Variants in URM1 observed in about 807,000 individuals in gnomAD.
URM1 encodes ubiquitin related modifier 1, also known as ubiquitin-related modifier 1.
A neutral mutation model predicts 17.7 loss-of-function variants in URM1; 11 were observed. The observed-to-expected ratio is 0.62, with a 90% CI of 0.39 to 1.03. URM1 has a LOEUF of 1.03. Among genes scored for constraint, URM1 ranks in the 50% least tolerant of loss-of-function variants. The probability of loss-of-function intolerance (pLI) is 0.00; values close to 1 mark genes in which losing one functional copy is unlikely to be tolerated. For missense variants in URM1, 128 were observed against 129.2 expected, an observed-to-expected ratio of 0.99 and a Z score of 0.04; for synonymous variants, 48 against 50.6, an observed-to-expected ratio of 0.95 and a Z score of 0.22.
At chr9:128,379,751 A>C (rs1049917452) in intron 2 of URM1, among the ~76,000 whole-genome samples, 8 of 150,722 alleles carry the variant, frequency 5.3e-5, no homozygotes, top group Non-Finnish European at 8.8e-5. Flanking sequence ...CAGTGAGCCG[A>C]ATCATGCCAC....
chr9:128,382,780 A>G (rs1188135382), intron 2 of URM1, among the ~76,000 whole-genome samples: 1 of 152,172 alleles, frequency 6.6e-6, no homozygotes, highest in Non-Finnish European at 1.5e-5. Flanking sequence ...GGTGAAGCAG[A>G]GTGTGCTGAC....
At chr9:128,376,187 C>G (rs1170416024) in intron 1 of URM1, among the ~76,000 whole-genome samples, 2 of 151,902 alleles carry the variant, frequency 1.3e-5, no homozygotes, top group African/African-American at 2.4e-5. Context: ...TAGGGAGACC[C>G]TGTCTCTACA....
Position 128,371,374 on chromosome 9 carries a change from C to T in URM1, c.-7C>T, listed in dbSNP as rs752656993. The T allele has an allele frequency of 1.2e-5, 20 of 1,613,096 alleles. No homozygotes were observed. Among genetic ancestry groups the T allele is most frequent in the African/African-American group, 2.7e-5 (2 of 74,846 alleles). On this transcript the variant is annotated 5_prime_UTR_variant, in exon 1 of 5. Transcript: ENST00000372853. ...GGGGAGTTTCCTGCGAGCTCGGCTT[C>T]CTCAACATGGCTGCGCCCTTGTCAG...
intron 4 of URM1, 88 bp from the exon 5 acceptor site, chr9:128,389,578 C>A: frequency 6.3e-7 from 1 of 1,587,496 alleles, no homozygotes. Context: ...CCAGAGCAGC[C>A]AGTCCTCAGC....
chr9:128,377,957 C>T, intron 1 of URM1, 79 bp from the exon 2 acceptor site: 3 of 1,498,816 alleles, frequency 2.0e-6, no homozygotes, highest in Non-Finnish European at 2.8e-6. Context: ...CAGCCCTATC[C>T]TCAGTTTTCT....
intron 3 of URM1, 111 bp downstream of exon 3, chr9:128,388,008 C>T (rs569569881): frequency 1.4e-5 from 21 of 1,496,614 alleles, no homozygotes; most frequent in Non-Finnish European, 1.7e-5. Context: ...TCCCCTTCCT[C>T]CTCCCTAACT....
chr9:128,378,825 T>C (rs1275263954), intron 2 of URM1, among the ~76,000 whole-genome samples: 1 of 150,686 alleles, frequency 6.6e-6, no homozygotes, highest in Non-Finnish European at 1.5e-5. Flanking sequence ...TGCGCGCTTG[T>C]AATCCCAGCT....
intron 2 of URM1, among the ~76,000 whole-genome samples, chr9:128,380,093 C>T (rs1305491180): frequency 6.6e-6 from 1 of 151,724 alleles, no homozygotes; most frequent in Non-Finnish European, 1.5e-5. Context: ...GCCTGGGTGC[C>T]AGAGTGAGAC....
intron 3 of URM1, chr9:128,388,739 T>C (rs1833262792): frequency 6.1e-6 from 6 of 987,210 alleles, no homozygotes; most frequent in Non-Finnish European, 7.2e-6. Flanking sequence ...AGCATTGCCA[T>C]GTGGCATGGC....
intron 1 of URM1, among the ~76,000 whole-genome samples, chr9:128,376,581 A>C (rs1297261417): frequency 6.6e-6 from 1 of 152,142 alleles, no homozygotes; most frequent in African/African-American, 2.4e-5. Context: ...GGATTGCCTA[A>C]ACCCAGGAGG....
chr9:128,374,060 T>A (rs886547169), intron 1 of URM1, among the ~76,000 whole-genome samples: 2 of 152,062 alleles, frequency 1.3e-5, no homozygotes, highest in Non-Finnish European at 2.9e-5. Flanking sequence ...GATGGAGATA[T>A]GTCAGTTGAG....
chr9:128,389,142 C>T (rs1272376068), intron 3 of URM1, 119 bp from the exon 4 acceptor site: 16 of 1,489,656 alleles, frequency 1.1e-5, no homozygotes, highest in Non-Finnish European at 1.3e-5. Context: ...TTTAGCCAGA[C>T]CCCAGGAGGA....
intron 2 of URM1, among the ~76,000 whole-genome samples, chr9:128,380,325 T>TG (rs899326754): frequency 4.9e-4 from 73 of 150,190 alleles, no homozygotes; most frequent in East Asian, 4.7e-3. Context: ...ACGTGGAGGC[T>TG]GGGGGGGGGA....
intron 1 of URM1, among the ~76,000 whole-genome samples, chr9:128,375,310 G>A (rs1182385700): frequency 1.3e-5 from 2 of 152,202 alleles, no homozygotes; most frequent in African/African-American, 4.8e-5. Flanking sequence ...ATGGGCAGGA[G>A]CATTCAAACC....
intron 2 of URM1, among the ~76,000 whole-genome samples, chr9:128,385,590 C>CACCA (rs1320224673): frequency 6.6e-6 from 1 of 152,178 alleles, no homozygotes; most frequent in African/African-American, 2.4e-5. Flanking sequence ...ATCCCCAAGC[C>CACCA]ACCAGCCCCT....
At chr9:128,372,585 C>T (rs766170838) in intron 1 of URM1, among the ~76,000 whole-genome samples, 3 of 152,140 alleles carry the variant, frequency 2.0e-5, no homozygotes, top group Admixed American at 6.5e-5. Context: ...AGTCTCATGA[C>T]TAAGTGCATT....
At chr9:128,389,491 A>G in intron 4 of URM1, 175 bp from the exon 5 acceptor site, 1 of 1,557,058 alleles carries the variant, frequency 6.4e-7, no homozygotes, top group Non-Finnish European at 8.7e-7. Flanking sequence ...AGCTGGGGAC[A>G]TGGGAGTACT....
chr9:128,372,343 G>A (rs1833024534), intron 1 of URM1, among the ~76,000 whole-genome samples: 1 of 151,866 alleles, frequency 6.6e-6, no homozygotes, highest in Non-Finnish European at 1.5e-5. Context: ...AGGTCTATGT[G>A]ACAGGAAAAG....
chr9:128,378,011 C>G (rs1325893324), intron 1 of URM1, 25 bp from the exon 2 acceptor site: 2 of 1,610,426 alleles, frequency 1.2e-6, no homozygotes, highest in Non-Finnish European at 1.7e-6. Flanking sequence ...ACCTGGCTGT[C>G]TTTTTCTCTG....
Sources: allele counts gnomAD v4.1 joint callset (sites outside exome capture counted in the v4.1 genomes callset), GRCh38; gene constraint gnomAD v4.1.1; transcripts MANE v1.5; gene names NCBI Gene and HGNC (gene_info 2026-07-23, HGNC 2026-07-21).